Variants in NELL2 observed in about 807,000 individuals in gnomAD.
NELL2 encodes the protein neural EGFL like 2.
A neutral mutation model predicts 109.6 loss-of-function variants in NELL2; 41 were observed. That is an observed-to-expected ratio of 0.37 (90% CI 0.29 to 0.49). The LOEUF is 0.49. Ranked by LOEUF, NELL2 falls within the 20% of genes least tolerant of loss-of-function variation. NELL2 has a pLI of 0.98. For missense variants in NELL2, 900 were observed against 1,008.3 expected, an observed-to-expected ratio of 0.89 and a Z score of 1.45; for synonymous variants, 355 against 344.7, an observed-to-expected ratio of 1.03 and a Z score of -0.33.
intron 13 of NELL2, among the ~76,000 whole-genome samples, chr12:44,622,065 G>A (rs939281357): frequency 7.2e-5 from 11 of 152,008 alleles, no homozygotes; most frequent in Admixed American, 1.3e-4. Flanking sequence ...TGCCGTTAAC[G>A]CCTGCCACGT....
intron 11 of NELL2, among the ~76,000 whole-genome samples, chr12:44,708,073 A>C (rs1484326008): frequency 6.6e-6 from 1 of 152,166 alleles, no homozygotes; most frequent in African/African-American, 2.4e-5. Context: ...GGAGGAGAAG[A>C]ACCAGAAGGA....
At chr12:44,740,271 A>T (rs150229503) in intron 9 of NELL2, among the ~76,000 whole-genome samples, 1 of 152,116 alleles carries the variant, frequency 6.6e-6, no homozygotes, top group Admixed American at 6.5e-5. Context: ...ATATCAGATG[A>T]TATACTGATG....
intron 9 of NELL2, among the ~76,000 whole-genome samples, chr12:44,730,656 G>C (rs186392367): frequency 2.7e-4 from 41 of 152,014 alleles, no homozygotes; most frequent in Admixed American, 1.0e-3. Flanking sequence ...AAGTTTATAG[G>C]GGTAAATGCC....
chr12:44,712,703 T>C (rs1938269568), intron 10 of NELL2, among the ~76,000 whole-genome samples: 1 of 152,126 alleles, frequency 6.6e-6, no homozygotes, highest in Admixed American at 6.6e-5. Flanking sequence ...AGAGCTGTGC[T>C]GTCCAATCAG....
intron 9 of NELL2, among the ~76,000 whole-genome samples, chr12:44,723,941 G>A (rs1216802913): frequency 6.6e-6 from 1 of 151,978 alleles, no homozygotes; most frequent in Non-Finnish European, 1.5e-5. Flanking sequence ...ATATGCACCT[G>A]AATGTTCACT....
chr12:44,817,930 A>G (rs978954039), intron 2 of NELL2, among the ~76,000 whole-genome samples: 1 of 152,320 alleles, frequency 6.6e-6, no homozygotes, highest in South Asian at 2.1e-4. Flanking sequence ...GTGCACAGTA[A>G]TCAGATCAGG....
intron 13 of NELL2, among the ~76,000 whole-genome samples, chr12:44,655,621 T>C (rs1753709328): frequency 6.6e-6 from 1 of 152,240 alleles, no homozygotes; most frequent in Admixed American, 6.5e-5. Flanking sequence ...AAATGTGGCC[T>C]GAAGTTTTCC....
intron 2 of NELL2, among the ~76,000 whole-genome samples, chr12:44,852,803 A>G (rs1401734642): frequency 6.6e-6 from 1 of 152,162 alleles, no homozygotes; most frequent in African/African-American, 2.4e-5. Context: ...AAAGTATGTT[A>G]TCAAAGAACA....
chr12:44,578,995 CTT>C (rs2136207599), intron 15 of NELL2, among the ~76,000 whole-genome samples: 1 of 152,168 alleles, frequency 6.6e-6, no homozygotes, highest in African/African-American at 2.4e-5. Context: ...TTTTGCATTA[CTT>C]TATTCAATTC....
At chr12:44,707,045 T>C (rs1937923383) in intron 11 of NELL2, among the ~76,000 whole-genome samples, 1 of 152,158 alleles carries the variant, frequency 6.6e-6, no homozygotes, top group Non-Finnish European at 1.5e-5. Flanking sequence ...AATTTTGTGG[T>C]GAATATTTAT....
intron 12 of NELL2, among the ~76,000 whole-genome samples, chr12:44,685,456 T>G (rs997073328): frequency 1.3e-5 from 2 of 152,294 alleles, no homozygotes; most frequent in African/African-American, 4.8e-5. Flanking sequence ...ATCCAGTCAT[T>G]ATGATATTAG....
At chr12:44,577,618 C>T (rs1944153623) in intron 15 of NELL2, among the ~76,000 whole-genome samples, 2 of 151,852 alleles carry the variant, frequency 1.3e-5, no homozygotes, top group South Asian at 4.2e-4. Context: ...GCTGGGAATA[C>T]AGGCGCCACC....
At position 44,774,842 on chromosome 12, in the gene NELL2, G is replaced by A; in HGVS notation, c.899C>T (p.Thr300Ile). 2 of 1,608,138 alleles carry A rather than the reference G, an allele frequency of 1.2e-6. No individual in the cohort carries two copies. Among genetic ancestry groups the A allele is most frequent in the Non-Finnish European group, 8.5e-7 (1 of 1,176,796 alleles). The part of the protein sequence containing the change: ...GCKNCTCLNG[T>I]IQCETLICPN... ...GCAGATTAGAGTTTCACACTGGATG[G>A]TTCCATTCTGAAAAGGAAACAATAT... The change falls in exon 9 of 20, where the codon ACC becomes ATC. Residue 300 changes from threonine (T) to isoleucine (I), a missense_variant. Physicochemically the swap from Thr to Ile is moderately conservative, Grantham distance 89. This residue lies in a region of NELL2 where 292 missense variants were observed against 265.3 expected (regional missense o/e 1.10). Coordinates refer to ENST00000429094, the MANE Select transcript of NELL2 (RefSeq NM_001145108.2).
intron 13 of NELL2, among the ~76,000 whole-genome samples, chr12:44,651,622 A>G (rs948082021): frequency 6.6e-5 from 10 of 152,154 alleles, no homozygotes; most frequent in African/African-American, 2.2e-4. Context: ...TGACTTGTGA[A>G]TCTATTAGGA....
chr12:44,762,618 C>T (rs1941173356), intron 9 of NELL2, among the ~76,000 whole-genome samples: 3 of 152,216 alleles, frequency 2.0e-5, no homozygotes, highest in Admixed American at 2.0e-4. Context: ...ACTCTCTGCA[C>T]AGCAGTCACC....
chr12:44,673,121 C>T (rs1035895707), intron 12 of NELL2, among the ~76,000 whole-genome samples: 3 of 152,056 alleles, frequency 2.0e-5, no homozygotes, highest in Admixed American at 6.6e-5. Context: ...ATCTAATTGC[C>T]GCTTGCCTTT....
At chr12:44,914,625 TTC>T (rs1945812723), upstream of NELL2, among the ~76,000 whole-genome samples, 1 of 152,186 alleles carries the variant, frequency 6.6e-6, no homozygotes, top group Non-Finnish European at 1.5e-5. Context: ...CACAAGATTT[TTC>T]TCTGTTTTAT....
chr12:44,550,276 T>A (rs993862277), intron 15 of NELL2, among the ~76,000 whole-genome samples: 1 of 152,012 alleles, frequency 6.6e-6, no homozygotes, highest in Non-Finnish European at 1.5e-5. Flanking sequence ...AATAAAAAAT[T>A]AAAAATACAA....
At position 44,595,121 on chromosome 12, in the gene NELL2, T is replaced by A. The variant is rs1216449223; in HGVS notation, c.1663+12048A>T. 2.6e-5 allele frequency among the ~76,000 whole-genome samples: 4 copies of A among 152,318 alleles called. No homozygotes were observed. The East Asian group carries it at 7.7e-4, about 29-fold the overall frequency. Reference sequence around the variant, plus strand: ...TACACAATCTGTTAGATTGATGGATTTTCAAGCAAAAAGAAACACAAGCAA... The same window carrying A: ...TACACAATCTGTTAGATTGATGGATATTCAAGCAAAAAGAAACACAAGCAA... On this transcript the variant is annotated intron_variant, in intron 15 of 19. Transcript: ENST00000429094.
Sources: allele counts gnomAD v4.1 joint callset (sites outside exome capture counted in the v4.1 genomes callset), GRCh38; gene constraint gnomAD v4.1.1; regional missense constraint gnomAD v4.1.1; transcripts MANE v1.5; gene names NCBI Gene and HGNC (gene_info 2026-07-23, HGNC 2026-07-21).